The following BST1 variants were observed in gnomAD, a reference collection of about 807,000 sequenced individuals.
BST1 encodes the protein bone marrow stromal cell antigen 1.
In BST1, 49 loss-of-function variants were observed where a neutral mutation model predicts 40.6. That is an observed-to-expected ratio of 1.21 (90% CI 0.96 to 1.53). BST1 has a LOEUF of 1.53. Ranked by LOEUF, BST1 falls within the 40% of genes most tolerant of loss-of-function variation. BST1 has a pLI of 0.00. For synonymous variants in BST1, 157 were observed against 159.3 expected (o/e 0.99, Z 0.11); for missense variants, 423 against 395.9 (o/e 1.07, Z -0.58).
downstream of BST1, among the ~76,000 whole-genome samples, chr4:15,736,925 T>G (rs908969762): frequency 6.6e-6 from 1 of 151,996 alleles, no homozygotes; most frequent in South Asian, 2.1e-4. Context: ...GTGAGAACCT[T>G]GGGTTTGGGG....
At chr4:15,744,097 A>G in the BST1 span, among the ~76,000 whole-genome samples, 1 of 152,174 alleles carries the variant, frequency 6.6e-6, no homozygotes, top group Non-Finnish European at 1.5e-5. Context: ...GCCTCTGTGT[A>G]GTATACAGAT....
At chr4:15,766,155 T>C in the BST1 span, among the ~76,000 whole-genome samples, 8 of 151,966 alleles carry the variant, frequency 5.3e-5, no homozygotes, top group Middle Eastern at 3.4e-3. Flanking sequence ...TATAATCTAG[T>C]TGGGGATGGA....
Position 15,732,032 on chromosome 4 carries a change from T to C in BST1, c.*187T>C, listed in dbSNP as rs1380648131. On this transcript the variant is annotated 3_prime_UTR_variant, in exon 9 of 9. Coordinates refer to ENST00000265016, the MANE Select transcript of BST1 (RefSeq NM_004334.3). ...TTTCAGAAACAAGAAGTTAGTTCTA[T>C]TTAGCAGGTTAAAAAATGCTGCATT... The C allele has an allele frequency of 1.5e-6, 2 of 1,295,828 alleles. No homozygotes were observed. The highest frequency in any genetic ancestry group is 2.0e-6 in the Non-Finnish European group (2 of 1,022,028). 80.3% of individuals were successfully genotyped at this position (1,295,828 alleles called of 1,614,324 possible).
intron 4 of BST1, among the ~76,000 whole-genome samples, chr4:15,713,309 C>T (rs1720321966): frequency 6.6e-6 from 1 of 151,406 alleles, no homozygotes; most frequent in Admixed American, 6.6e-5. Flanking sequence ...CCTCAGCCTC[C>T]CGAGTAGCTG....
intron 6 of BST1, among the ~76,000 whole-genome samples, chr4:15,718,645 C>T (rs1034561273): frequency 3.3e-5 from 5 of 152,172 alleles, no homozygotes; most frequent in East Asian, 1.9e-4. Flanking sequence ...GCTGACACCA[C>T]GCACATGCAC....
downstream of BST1, among the ~76,000 whole-genome samples, chr4:15,740,376 T>C (rs537760143): frequency 6.6e-6 from 1 of 152,336 alleles, no homozygotes; most frequent in African/African-American, 2.4e-5. Flanking sequence ...AGTTATTATC[T>C]ACTTTCATTT....
At chr4:15,756,782 G>A in the BST1 span, among the ~76,000 whole-genome samples, 1 of 152,264 alleles carries the variant, frequency 6.6e-6, no homozygotes, top group African/African-American at 2.4e-5. Context: ...GCTGTGCAAT[G>A]GCCAGCCATA....
At chr4:15,714,004 C>A (rs1175175217) in intron 4 of BST1, among the ~76,000 whole-genome samples, 1 of 152,066 alleles carries the variant, frequency 6.6e-6, no homozygotes, top group Non-Finnish European at 1.5e-5. Context: ...GCGCCTGACT[C>A]TGCACACATT....
chr4:15,763,275 A>G, the BST1 span, among the ~76,000 whole-genome samples: 1 of 151,870 alleles, frequency 6.6e-6, no homozygotes, highest in Admixed American at 6.6e-5. Flanking sequence ...AGGAGGAAAA[A>G]ATTTAAAAAG....
At chr4:15,769,191 C>G in the BST1 span, among the ~76,000 whole-genome samples, 4 of 152,168 alleles carry the variant, frequency 2.6e-5, no homozygotes. Flanking sequence ...TGGTTTTAGC[C>G]GGTGAATCCG....
intron 1 of BST1, among the ~76,000 whole-genome samples, chr4:15,703,578 G>GCA (rs1206221526): frequency 2.8e-5 from 4 of 142,688 alleles, no homozygotes; most frequent in African/African-American, 1.0e-4. Flanking sequence ...GTGTGTGCGC[G>GCA]CACACACACA....
intron 7 of BST1, 38 bp from the exon 8 acceptor site, chr4:15,722,837 A>G (rs1720883960): frequency 1.3e-6 from 2 of 1,583,734 alleles, no homozygotes; most frequent in South Asian, 2.2e-5. Context: ...GATGAAAGTT[A>G]TTTAAATAAT....
intron 8 of BST1, among the ~76,000 whole-genome samples, chr4:15,723,884 C>T (rs1477997553): frequency 1.3e-5 from 2 of 152,164 alleles, no homozygotes; most frequent in African/African-American, 4.8e-5. Flanking sequence ...TGTATCTGTG[C>T]CTGTACCTAT....
the BST1 span, among the ~76,000 whole-genome samples, chr4:15,765,202 C>T: frequency 6.6e-6 from 1 of 151,968 alleles, no homozygotes; most frequent in East Asian, 1.9e-4. Context: ...CTTTCATAGT[C>T]TTTCTCCACT....
chr4:15,772,139 T>A, the BST1 span, among the ~76,000 whole-genome samples: 1 of 152,156 alleles, frequency 6.6e-6, no homozygotes, highest in Non-Finnish European at 1.5e-5. Flanking sequence ...TCCACGTGTG[T>A]TTATCATATT....
At chr4:15,757,336 A>C in the BST1 span, among the ~76,000 whole-genome samples, 1 of 152,166 alleles carries the variant, frequency 6.6e-6, no homozygotes, top group Non-Finnish European at 1.5e-5. Flanking sequence ...CAGCCATGCC[A>C]AAGAACCCAG....
In BST1 at chr4:15,722,877, C is replaced by T. The variant is rs746827378; in HGVS notation, c.794C>T (p.Pro265Leu). 1 of 1,611,966 alleles carries T rather than the reference C, an allele frequency of 6.2e-7. No individual in the cohort carries two copies. Among genetic ancestry groups the T allele is most frequent in the South Asian group, 1.1e-5 (1 of 90,802 alleles). The change falls in exon 8 of 9, where the codon CCA becomes CTA. Residue 265 changes from proline to leucine, a missense_variant and splice_region_variant. By Grantham distance (98) the Pro-to-Leu change is moderately conservative. Coordinates refer to ENST00000265016, the MANE Select transcript of BST1 (RefSeq NM_004334.3). ...FQYSCINDYR[P>L]VKLLQCVDHS... ...TAAATATTATTTTCTTTCTGTAGAC[C>T]AGTGAAGCTCTTACAGTGCGTGGAC...
the BST1 span, among the ~76,000 whole-genome samples, chr4:15,756,712 T>A: frequency 0.11 from 16,496 of 152,236 alleles, 1,195 homozygotes; most frequent in Non-Finnish European, 0.15. Flanking sequence ...GAGCTGTTTT[T>A]CCCCCTAGCG....
intron 4 of BST1, among the ~76,000 whole-genome samples, chr4:15,713,904 A>G (rs1720362691): frequency 6.6e-6 from 1 of 152,000 alleles, no homozygotes; most frequent in Admixed American, 6.6e-5. Flanking sequence ...GGTTTTTGCC[A>G]TGTTAGCCAG....
Sources: allele counts gnomAD v4.1 joint callset (sites outside exome capture counted in the v4.1 genomes callset), GRCh38; gene constraint gnomAD v4.1.1; transcripts MANE v1.5; gene names NCBI Gene and HGNC (gene_info 2026-07-23, HGNC 2026-07-21).